INPP5B: variants seen among roughly 807,000 people sequenced by gnomAD.
INPP5B encodes the protein inositol polyphosphate-5-phosphatase B.
A neutral mutation model predicts 118.5 loss-of-function variants in INPP5B; 90 were observed. The observed-to-expected ratio is 0.76, with a 90% CI of 0.64 to 0.90. The LOEUF (loss-of-function observed/expected upper bound fraction) is 0.90. Among genes scored for constraint, INPP5B ranks in the 40% least tolerant of loss-of-function variants. The pLI, the probability that INPP5B is intolerant of heterozygous loss-of-function variation, is 0.00. For missense variants in INPP5B, 984 were observed against 1,125.6 expected (o/e 0.87, Z 1.80); for synonymous variants, 385 against 418.9 (o/e 0.92, Z 0.99).
Position 37,891,437 on chromosome 1 carries a change from C to T in INPP5B, c.550G>A (p.Gly184Ser). The T allele has an allele frequency of 1.2e-6, 2 of 1,613,434 alleles. No homozygotes were observed. Among genetic ancestry groups the T allele is most frequent in the Non-Finnish European group, 1.7e-6 (2 of 1,179,460 alleles). ...TIGGGGSNFD[G>S]LRPNGKGVPM... ...ACTCCCTTCCCATTTGGTCTCAAAC[C>T]ATCAAAGTTAGAACCACCTAAAGGG... Residue 184 changes from glycine to serine, a missense_variant, in exon 8 of 24, where the codon GGT (glycine) becomes AGT (serine). Gly to Ser is a moderately conservative substitution (Grantham distance 56, BLOSUM62 0). Transcript: ENST00000373024.
chr1:37,931,446 C>T, intron 7 of INPP5B: 1 of 1,527,612 alleles, frequency 6.5e-7, no homozygotes, highest in Non-Finnish European at 8.8e-7. Context: ...CCCCAGCCTC[C>T]GGATTCCCAA....
chr1:37,873,142 C>T lies in INPP5B; in HGVS notation c.1975G>A (p.Glu659Lys). The T allele has an allele frequency of 6.2e-7, 1 of 1,613,340 alleles. No homozygotes were observed. Among genetic ancestry groups the T allele is most frequent in the Non-Finnish European group, 8.5e-7 (1 of 1,179,426 alleles). The change falls in exon 19 of 24, where the codon GAG becomes AAG. Residue 659 changes from glutamate to lysine, a missense_variant. Physicochemically the swap from Glu to Lys is moderately conservative, Grantham distance 56 (BLOSUM62 1). Around this residue, in one of 2 missense-constraint regions of INPP5B, gnomAD observed 634 missense variants for 791.0 expected, o/e 0.80. Coordinates refer to ENST00000373024, the MANE Select transcript of INPP5B (RefSeq NM_005540.3). ...GCTGTCATCTTATTTACGAAGAGCT[C>T]CAAGTCAATCTCAACATCAGAATCT... ...LPDSDVEIDL[E>K]LFVNKMTATK...
intron 7 of INPP5B, among the ~76,000 whole-genome samples, chr1:37,891,861 A>C (rs1304919429): frequency 6.6e-6 from 1 of 152,232 alleles, no homozygotes; most frequent in Non-Finnish European, 1.5e-5. Context: ...ATTGTAGTCT[A>C]GGAATTATTG....
At chr1:37,875,521 G>A (rs1642739361) in intron 17 of INPP5B, 85 bp downstream of exon 17, 6 of 964,342 alleles carry the variant, frequency 6.2e-6, no homozygotes, top group Non-Finnish European at 9.9e-6. Flanking sequence ...GCCCACCTTG[G>A]CCTCCCAAAG....
At chr1:37,945,302 G>A (rs1022979773) in intron 3 of INPP5B, among the ~76,000 whole-genome samples, 1 of 152,050 alleles carries the variant, frequency 6.6e-6, no homozygotes, top group Non-Finnish European at 1.5e-5. Context: ...ATGGTGGCGG[G>A]CACCTCTGTA....
intron 20 of INPP5B, among the ~76,000 whole-genome samples, chr1:37,867,655 T>A (rs1051287703): frequency 1.3e-5 from 2 of 152,090 alleles, no homozygotes; most frequent in South Asian, 2.1e-4. Context: ...TATATTTTTT[T>A]AAAAAAAGGA....
chr1:37,890,803 T>A (rs1333538265), intron 8 of INPP5B, among the ~76,000 whole-genome samples: 1 of 152,200 alleles, frequency 6.6e-6, no homozygotes, highest in African/African-American at 2.4e-5. Flanking sequence ...GTGAGTTATA[T>A]AACTTCTCAT....
At chr1:37,931,581 T>C (rs934680478) in intron 7 of INPP5B, 54 of 1,537,992 alleles carry the variant, frequency 3.5e-5, no homozygotes, top group Non-Finnish European at 4.5e-5. Context: ...GAGCGTCCAC[T>C]GGCCAAACCG....
At chr1:37,868,265 A>G (rs1302268800) in intron 20 of INPP5B, among the ~76,000 whole-genome samples, 1 of 149,332 alleles carries the variant, frequency 6.7e-6, no homozygotes, top group Admixed American at 6.9e-5. Context: ...GTGAGTCAAG[A>G]TCGCACCATT....
chr1:37,874,063 G>A lies in INPP5B; in HGVS notation c.1881C>T (p.Asn627=), dbSNP rs1317681560. 1 of 1,608,204 alleles carries A rather than the reference G, an allele frequency of 6.2e-7. No homozygotes were observed. Among genetic ancestry groups the A allele is most frequent in the South Asian group, 1.1e-5 (1 of 90,606 alleles). Residue 627 remains asparagine (N), a synonymous_variant, in exon 18 of 24, where the codon AAC becomes AAT. Coordinates refer to ENST00000373024, the MANE Select transcript of INPP5B (RefSeq NM_005540.3). ...GQVPCHFEFI[N]KPDEESYCKQ... is the part of the protein sequence containing the mutation. ...TACAGTAAGACTCTTCATCAGGCTT[G>A]TTGATGAATTCAAAATGACAGGGTA... is the stretch of plus-strand genomic sequence containing the variant.
intron 19 of INPP5B, among the ~76,000 whole-genome samples, chr1:37,870,306 T>G (rs926086932): frequency 4.6e-5 from 7 of 152,188 alleles, no homozygotes; most frequent in Non-Finnish European, 7.3e-5. Context: ...AGATGGAGTC[T>G]CATTACGTTG....
At position 37,868,623 on chromosome 1, in the gene INPP5B, C is replaced by T; in HGVS notation, c.2188-9G>A. The T allele has an allele frequency of 6.4e-7, 1 of 1,565,858 alleles. No individual in the cohort carries two copies. Among genetic ancestry groups the T allele is most frequent in the East Asian group, 2.2e-5 (1 of 44,650 alleles). ...CATACTGGCATCAGAGTCTGGAAAG[C>T]AATCAAGATCATGACAGAACTTCTG... On this transcript the variant is annotated splice_polypyrimidine_tract_variant and intron_variant, in intron 19 of 23. Transcript: ENST00000373024.
chr1:37,863,599 G>C (rs1312688275), intron 23 of INPP5B, among the ~76,000 whole-genome samples: 9 of 151,804 alleles, frequency 5.9e-5, no homozygotes, highest in East Asian at 2.0e-4. Context: ...CGAGGCACAA[G>C]AATCACTTGA....
chr1:37,863,017 G>A (rs905090674), intron 23 of INPP5B, among the ~76,000 whole-genome samples: 2 of 152,110 alleles, frequency 1.3e-5, no homozygotes, highest in South Asian at 2.1e-4. Flanking sequence ...CAACCACCCC[G>A]TGTCCCCAGT....
intron 5 of INPP5B, among the ~76,000 whole-genome samples, chr1:37,941,159 A>G (rs901303848): frequency 2.6e-5 from 4 of 152,122 alleles, no homozygotes; most frequent in Non-Finnish European, 5.9e-5. Context: ...GGGTCAGTCT[A>G]CCTGACTATG....
chr1:37,903,883 A>G (rs1020666373), intron 7 of INPP5B, among the ~76,000 whole-genome samples: 6 of 152,228 alleles, frequency 3.9e-5, no homozygotes, highest in African/African-American at 1.4e-4. Flanking sequence ...CTGTCCAAAA[A>G]AAGAAAAAGG....
chr1:37,865,999 A>T, intron 21 of INPP5B, 111 bp from the exon 22 acceptor site: 1 of 1,517,366 alleles, frequency 6.6e-7, no homozygotes. Context: ...CTCTCTGCTC[A>T]GGGCTAGGAT....
intron 15 of INPP5B, among the ~76,000 whole-genome samples, chr1:37,879,635 G>C (rs957928160): frequency 6.6e-6 from 1 of 151,978 alleles, no homozygotes; most frequent in African/African-American, 2.4e-5. Context: ...GCACATGCCT[G>C]TAATCCTAGC....
chr1:37,862,421 A>C lies in INPP5B; in HGVS notation c.2636T>G (p.Phe879Cys). The C allele has an allele frequency of 6.2e-7, 1 of 1,607,500 alleles. No individual in the cohort carries two copies. Among genetic ancestry groups the C allele is most frequent in the Non-Finnish European group, 8.5e-7 (1 of 1,174,012 alleles). The stretch of plus-strand genomic sequence containing the variant: ...TGGGTTTCGAAGCAATAAGCTGCCA[A>C]ATATGCTAGCTGCAAGAAAAAACAC... ...HLDENILASI[F>C]GSLLLRNPAG... is the part of the protein sequence containing the mutation. The change falls in exon 24 of 24, where the codon TTT becomes TGT. Residue 879 changes from phenylalanine to cysteine, a missense_variant. By Grantham distance (205) the Phe-to-Cys change is radical. Around this residue, in one of 2 missense-constraint regions of INPP5B, gnomAD observed 634 missense variants for 791.0 expected, o/e 0.80. Transcript: ENST00000373024.
Sources: allele counts gnomAD v4.1 joint callset (sites outside exome capture counted in the v4.1 genomes callset), GRCh38; gene constraint gnomAD v4.1.1; regional missense constraint gnomAD v4.1.1; transcripts MANE v1.5; gene names NCBI Gene and HGNC (gene_info 2026-07-23, HGNC 2026-07-21).